The following TOX variants were observed in gnomAD, a reference collection of about 807,000 sequenced individuals.
TOX encodes thymocyte selection-associated high mobility group box protein TOX.
TOX carries 11 observed loss-of-function variants against 53.7 expected under a neutral mutation model. That is an observed-to-expected ratio of 0.20 (90% CI 0.13 to 0.34). TOX has a LOEUF of 0.34. Ranked by LOEUF, TOX falls within the 10% of genes least tolerant of loss-of-function variation. The pLI, the probability that TOX is intolerant of heterozygous loss-of-function variation, is 1.00. For synonymous variants in TOX, 225 were observed against 245.3 expected (o/e 0.92, Z 0.77); for missense variants, 570 against 664.6 (o/e 0.86, Z 1.56).
intron 3 of TOX, among the ~76,000 whole-genome samples, chr8:58,884,613 C>A (rs1488989133): frequency 6.6e-6 from 1 of 152,086 alleles, no homozygotes; most frequent in Non-Finnish European, 1.5e-5. Flanking sequence ...TAATTAAACA[C>A]CAGCACCAAA....
intron 2 of TOX, among the ~76,000 whole-genome samples, chr8:58,952,473 C>T (rs1812636756): frequency 6.6e-6 from 1 of 152,194 alleles, no homozygotes; most frequent in South Asian, 2.1e-4. Context: ...TAATTGTTCA[C>T]ATGCTAAAGA....
chr8:58,885,078 C>G (rs1044744695), intron 3 of TOX, among the ~76,000 whole-genome samples: 8 of 152,022 alleles, frequency 5.3e-5, no homozygotes, highest in African/African-American at 1.9e-4. Flanking sequence ...AAGGTTAAAA[C>G]AGTATTAACC....
At position 58,811,997 on chromosome 8, in the gene TOX, C is replaced by A. The variant is rs543230661; in HGVS notation, c.1392+3341G>T. Among the ~76,000 whole-genome samples, 13 of 152,188 alleles carry A rather than the reference C, an allele frequency of 8.5e-5. No homozygotes were observed. The East Asian group carries it at 1.9e-3, about 23-fold the overall frequency. On this transcript the variant is annotated intron_variant, in intron 7 of 8. Coordinates refer to ENST00000361421, the MANE Select transcript of TOX (RefSeq NM_014729.3). The stretch of plus-strand genomic sequence containing the variant: ...TAAAAATACAGTTGCTGTTAACGTT[C>A]TTCTCTCTCTGTCTCTCTTTCTCTC...
chr8:59,094,336 TA>T (rs1804674301), intron 1 of TOX, among the ~76,000 whole-genome samples: 1 of 151,994 alleles, frequency 6.6e-6, no homozygotes, highest in Non-Finnish European at 1.5e-5. Context: ...ATAACTACAA[TA>T]TTAAATTAGC....
At chr8:59,101,264 C>T (rs529257949) in intron 1 of TOX, among the ~76,000 whole-genome samples, 1 of 152,314 alleles carries the variant, frequency 6.6e-6, no homozygotes, top group East Asian at 1.9e-4. Context: ...TGTAAGTACA[C>T]AGATTTTTTT....
At chr8:58,981,357 A>G (rs911529543) in intron 1 of TOX, among the ~76,000 whole-genome samples, 9 of 152,128 alleles carry the variant, frequency 5.9e-5, no homozygotes, top group African/African-American at 2.2e-4. Flanking sequence ...CACTTCAAGC[A>G]AGCTTTTTCT....
Position 59,106,251 on chromosome 8 carries a change from C to T in TOX, c.102+12635G>A, listed in dbSNP as rs569582237. Among the ~76,000 whole-genome samples the T allele has an allele frequency of 8.1e-5, 12 of 149,026 alleles. 1 individual carries two copies. The Admixed American group carries it at 8.1e-4, about 10-fold the overall frequency. ...TTGCAAGTTATAGAAAGGCAATTGA[C>T]CTCAGTAAATTTTTCCACTGGCTTA... On this transcript the variant is annotated intron_variant, in intron 1 of 8. Transcript: ENST00000361421.
intron 6 of TOX, among the ~76,000 whole-genome samples, chr8:58,821,061 A>T (rs1810266737): frequency 6.6e-6 from 1 of 152,218 alleles, no homozygotes; most frequent in Non-Finnish European, 1.5e-5. Flanking sequence ...CCATAATAGC[A>T]TATATCCTTG....
At chr8:59,091,709 T>C (rs1449714493) in intron 1 of TOX, among the ~76,000 whole-genome samples, 1 of 152,108 alleles carries the variant, frequency 6.6e-6, no homozygotes, top group Non-Finnish European at 1.5e-5. Context: ...AGTATTTGTA[T>C]CATGTTATAA....
chr8:58,954,095 A>G (rs1812671440), intron 2 of TOX, among the ~76,000 whole-genome samples: 1 of 152,206 alleles, frequency 6.6e-6, no homozygotes, highest in African/African-American at 2.4e-5. Context: ...ATTGCTGATG[A>G]TAAACAACAG....
chr8:58,914,514 AT>A (rs1205506584), intron 3 of TOX, among the ~76,000 whole-genome samples: 3 of 152,154 alleles, frequency 2.0e-5, no homozygotes, highest in African/African-American at 7.2e-5. Context: ...ATATTTGTCA[AT>A]GTCTGGACAT....
intron 3 of TOX, among the ~76,000 whole-genome samples, chr8:58,862,924 C>T (rs1303776248): frequency 6.6e-6 from 1 of 151,962 alleles, no homozygotes; most frequent in Non-Finnish European, 1.5e-5. Flanking sequence ...AAATATCTTC[C>T]ATTTTGGGGG....
intron 1 of TOX, among the ~76,000 whole-genome samples, chr8:58,998,536 T>TATAAATTTATATGTA (rs1813620565): frequency 2.6e-5 from 1 of 37,756 alleles, no homozygotes; most frequent in African/African-American, 1.3e-4. Context: ...TATATATATA[T>TATAAATTTATATGTA]ATAAATTTAT....
intron 3 of TOX, among the ~76,000 whole-genome samples, chr8:58,892,441 CAT>C (rs1811574037): frequency 6.6e-6 from 1 of 152,074 alleles, no homozygotes; most frequent in South Asian, 2.1e-4. Flanking sequence ...ACTGAGCAAA[CAT>C]AAACCTGAAC....
intron 1 of TOX, among the ~76,000 whole-genome samples, chr8:59,024,922 A>G (rs2129419641): frequency 6.6e-6 from 1 of 152,338 alleles, no homozygotes; most frequent in East Asian, 1.9e-4. Context: ...TAATAGGATT[A>G]TTAAAGATCA....
chr8:59,070,506 A>AACACACACACACACACACAC (rs371344375), intron 1 of TOX, among the ~76,000 whole-genome samples: 7 of 140,112 alleles, frequency 5.0e-5, no homozygotes, highest in South Asian at 2.4e-4. Context: ...TGTCAAGGAA[A>AACACACACACACACACACAC]ACACACACAC....
At position 59,118,701 on chromosome 8, in the gene TOX, G is replaced by C. The variant is rs1805153225; in HGVS notation, c.102+185C>G. On this transcript the variant is annotated intron_variant, in intron 1 of 8. Transcript: ENST00000361421. The surrounding 1 kb of genome is among the most constrained non-coding windows in gnomAD (Gnocchi z 4.1). ...CACTTTCCGCACAATCGCGGTGTTT[G>C]GCAAGCCCCCGGAGCTACTCCACAA... is the stretch of plus-strand genomic sequence containing the variant. Among the ~76,000 whole-genome samples the C allele has an allele frequency of 6.6e-6, 1 of 152,138 alleles. No homozygotes were observed. Among genetic ancestry groups the C allele is most frequent in the Non-Finnish European group, 1.5e-5 (1 of 68,022 alleles).
At chr8:58,985,947 G>C (rs1054186209) in intron 1 of TOX, among the ~76,000 whole-genome samples, 1 of 151,940 alleles carries the variant, frequency 6.6e-6, no homozygotes, top group Admixed American at 6.6e-5. Context: ...GCCTTATAAG[G>C]GTCCATCAAT....
intron 1 of TOX, among the ~76,000 whole-genome samples, chr8:59,042,166 A>C (rs1319984897): frequency 6.6e-6 from 1 of 152,242 alleles, no homozygotes; most frequent in Admixed American, 6.5e-5. Context: ...GAGCCAAAAA[A>C]ATCCAAGATT....
Sources: gnomAD v4.1 joint callset for allele counts (sites outside exome capture counted in the v4.1 genomes callset) on GRCh38, gnomAD v4.1.1 for gene constraint, Gnocchi (gnomAD v3.1) non-coding constraint, MANE v1.5 for transcripts, NCBI Gene and HGNC (gene_info 2026-07-23, HGNC 2026-07-21) for gene names.